DENND1A: variants seen among roughly 807,000 people sequenced by gnomAD.
The protein encoded by DENND1A is DENN domain containing 1A.
A neutral mutation model predicts 113.7 loss-of-function variants in DENND1A; 51 were observed. The ratio of observed to expected loss-of-function variants is 0.45; its 90% CI spans 0.36 to 0.57. The LOEUF (loss-of-function observed/expected upper bound fraction) is 0.57. Among genes scored for constraint, DENND1A ranks in the 20% least tolerant of loss-of-function variants. DENND1A has a pLI of 0.00. For missense variants in DENND1A, 1,258 were observed against 1,395.9 expected (o/e 0.90, Z 1.57); for synonymous variants, 565 against 570.8 (o/e 0.99, Z 0.14).
intron 5 of DENND1A, among the ~76,000 whole-genome samples, chr9:123,749,269 T>C (rs189335929): frequency 2.4e-4 from 36 of 152,356 alleles, no homozygotes; most frequent in Admixed American, 1.8e-3. Context: ...TGAAAGCTCT[T>C]TAAGCTCACC....
At chr9:123,453,217 T>A (rs2047866713) in intron 16 of DENND1A, among the ~76,000 whole-genome samples, 1 of 152,070 alleles carries the variant, frequency 6.6e-6, no homozygotes, top group Non-Finnish European at 1.5e-5. Context: ...GACAGCACAG[T>A]AAATAATTAC....
At chr9:123,523,951 T>G (rs2054598756) in intron 13 of DENND1A, among the ~76,000 whole-genome samples, 2 of 151,950 alleles carry the variant, frequency 1.3e-5, no homozygotes. Context: ...CTCTAACAAT[T>G]AAGGAAACAA....
At chr9:123,403,028 C>A (rs1412163405) in intron 21 of DENND1A, among the ~76,000 whole-genome samples, 1 of 152,170 alleles carries the variant, frequency 6.6e-6, no homozygotes, top group South Asian at 2.1e-4. Flanking sequence ...GCCATGGAGG[C>A]CTAGGAAGGT....
chr9:123,866,160 G>A (rs777311327), intron 2 of DENND1A, among the ~76,000 whole-genome samples: 4 of 152,140 alleles, frequency 2.6e-5, no homozygotes, highest in African/African-American at 4.8e-5. Flanking sequence ...TCATTACTGC[G>A]AGGACAGAAA....
chr9:123,630,599 G>C, intron 9 of DENND1A, 123 bp from the exon 10 acceptor site: 1 of 570,734 alleles, frequency 1.8e-6, no homozygotes, highest in Non-Finnish European at 2.7e-6. Flanking sequence ...AAAACCTGGA[G>C]AAATCATTCT....
At chr9:123,551,632 G>T (rs999945365) in intron 13 of DENND1A, among the ~76,000 whole-genome samples, 1 of 152,224 alleles carries the variant, frequency 6.6e-6, no homozygotes, top group Non-Finnish European at 1.5e-5. Context: ...GCAACTCGGA[G>T]TTGAACTGAG....
At chr9:123,922,532 T>G (rs1856448165) in intron 1 of DENND1A, among the ~76,000 whole-genome samples, 1 of 152,246 alleles carries the variant, frequency 6.6e-6, no homozygotes, top group African/African-American at 2.4e-5. Context: ...ATATCACTGT[T>G]CTAAACTGCT....
chr9:123,831,079 TG>T (rs930176616), intron 2 of DENND1A, among the ~76,000 whole-genome samples: 51 of 152,204 alleles, frequency 3.4e-4, no homozygotes, highest in African/African-American at 1.1e-3. Context: ...GATAAATTAT[TG>T]GAATCAATAA....
At chr9:123,791,272 T>C (rs1185240077) in intron 3 of DENND1A, among the ~76,000 whole-genome samples, 2 of 152,088 alleles carry the variant, frequency 1.3e-5, no homozygotes, top group Non-Finnish European at 2.9e-5. Context: ...TTTCCAGCCT[T>C]TATATATTGT....
chr9:123,676,596 T>C, intron 6 of DENND1A, 124 bp downstream of exon 6: 3 of 824,256 alleles, frequency 3.6e-6, no homozygotes, highest in Non-Finnish European at 5.6e-6. Context: ...ATTTTCTGAA[T>C]TTCCCAAAAT....
At chr9:123,504,215 C>T (rs932703727) in intron 13 of DENND1A, among the ~76,000 whole-genome samples, 6 of 152,180 alleles carry the variant, frequency 3.9e-5, no homozygotes, top group Non-Finnish European at 8.8e-5. Context: ...GGTGAAACTG[C>T]ACTCGCCCTT....
chr9:123,438,502 G>A (rs1375370705), intron 19 of DENND1A, among the ~76,000 whole-genome samples: 1 of 152,184 alleles, frequency 6.6e-6, no homozygotes, highest in Non-Finnish European at 1.5e-5. Flanking sequence ...GCATCTCGCG[G>A]CTGTGGGTAG....
chr9:123,761,443 G>C (rs1044929344), intron 4 of DENND1A, among the ~76,000 whole-genome samples: 1 of 152,218 alleles, frequency 6.6e-6, no homozygotes, highest in African/African-American at 2.4e-5. Flanking sequence ...CCTTTGCTTA[G>C]AATCTTCCTG....
intron 5 of DENND1A, among the ~76,000 whole-genome samples, chr9:123,709,602 G>GCTA (rs2066454292): frequency 6.6e-6 from 1 of 152,076 alleles, no homozygotes; most frequent in Admixed American, 6.5e-5. Context: ...ATCCTAGCTT[G>GCTA]CTACTGCCTT....
At chr9:123,489,366 G>A (rs941194093) in intron 13 of DENND1A, among the ~76,000 whole-genome samples, 1 of 152,220 alleles carries the variant, frequency 6.6e-6, no homozygotes, top group Admixed American at 6.5e-5. Flanking sequence ...CTGGCACTGA[G>A]TAGATGATCC....
At chr9:123,759,626 T>C (rs1368537745) in intron 4 of DENND1A, 1 of 152,236 alleles carries the variant, frequency 6.6e-6, no homozygotes, top group Non-Finnish European at 1.5e-5. Context: ...GGTTTTGCCA[T>C]GTTGGCCAGG....
chr9:123,926,585 AAAG>A (rs1857139272), intron 1 of DENND1A, among the ~76,000 whole-genome samples: 1 of 151,438 alleles, frequency 6.6e-6, no homozygotes, highest in Non-Finnish European at 1.5e-5. Context: ...AAAAAAAAAA[AAAG>A]AACTAAATAA....
intron 13 of DENND1A, among the ~76,000 whole-genome samples, chr9:123,468,196 C>T (rs1305616100): frequency 6.6e-6 from 1 of 152,160 alleles, no homozygotes; most frequent in Non-Finnish European, 1.5e-5. Context: ...AGTGACTACA[C>T]CTCTTAGATC....
Position 123,705,618 on chromosome 9 carries a change from T to A in DENND1A, c.303-28829A>T, listed in dbSNP as rs151221000. Among the ~76,000 whole-genome samples, 438 of 152,278 alleles carry A rather than the reference T, an allele frequency of 2.9e-3. 3 individuals are homozygous for A. Among genetic ancestry groups the A allele is most frequent in the African/African-American group, 9.6e-3 (399 of 41,568 alleles). On this transcript the variant is annotated intron_variant, in intron 5 of 23. Transcript: ENST00000394215. ...GGGAAAAAAATGAAGCAAAGATATG[T>A]AGGACCATTATGGAAGAAATTTTGA...
Sources: gnomAD v4.1 joint callset for allele counts (sites outside exome capture counted in the v4.1 genomes callset) on GRCh38, gnomAD v4.1.1 for gene constraint, MANE v1.5 for transcripts, NCBI Gene and HGNC (gene_info 2026-07-23, HGNC 2026-07-21) for gene names.